Variants in PRUNE2 observed in about 807,000 individuals in gnomAD.
PRUNE2 encodes prune homolog 2 with BCH domain.
Under a neutral mutation model 252.0 loss-of-function variants are expected in PRUNE2, and 164 were observed. The ratio of observed to expected loss-of-function variants is 0.65; its 90% CI spans 0.57 to 0.74. The LOEUF is 0.74. PRUNE2 is among the 30% of genes least tolerant of loss of function. The probability of loss-of-function intolerance (pLI) is 0.00; values close to 1 mark genes in which losing one functional copy is unlikely to be tolerated. For synonymous variants in PRUNE2, 1,292 were observed against 1,350.2 expected, an observed-to-expected ratio of 0.96 and a Z score of 0.94; for missense variants, 3,495 against 3,711.0, an observed-to-expected ratio of 0.94 and a Z score of 1.51.
intron 6 of PRUNE2, among the ~76,000 whole-genome samples, chr9:76,758,003 G>A (rs946008850): frequency 2.6e-5 from 4 of 152,078 alleles, no homozygotes; most frequent in African/African-American, 4.8e-5. Flanking sequence ...TACTGATTTA[G>A]TTCTGTGAAT....
chr9:76,708,439 G>A lies in PRUNE2; in HGVS notation c.3835C>T (p.Leu1279Phe). ...AASGTSESEA[L>F]ISHLDKQDTE... ...TCCTGCTTGTCAAGATGAGATATAA[G>A]TGCCTCTGATTCACTGGTTCCAGAG... is the stretch of plus-strand genomic sequence containing the variant. Residue 1279 changes from leucine (L) to phenylalanine (F), a missense_variant, in exon 8 of 19, where the codon CTT becomes TTT. Physicochemically the swap from Leu to Phe is conservative, Grantham distance 22. Coordinates refer to ENST00000376718, the MANE Select transcript of PRUNE2 (RefSeq NM_015225.3). 6.2e-7 allele frequency: 1 copy of A among 1,613,858 alleles called. No homozygotes were observed. Among genetic ancestry groups the A allele is most frequent in the Non-Finnish European group, 8.5e-7 (1 of 1,179,892 alleles).
rs2059980105 is a variant in PRUNE2, at chr9:76,851,871, T to C, written c.142-1206A>G. ...TAAACTTGTTTTTGTACGGGAATGT[T>C]AAAAATAAAGGTGCTTTAAAAATTA... On this transcript the variant is annotated intron_variant, in intron 2 of 18. Coordinates refer to ENST00000376718, the MANE Select transcript of PRUNE2 (RefSeq NM_015225.3). Among the ~76,000 whole-genome samples the C allele has an allele frequency of 1.3e-5, 2 of 152,180 alleles. 1 individual carries two copies. Among genetic ancestry groups the C allele is most frequent in the South Asian group, 4.1e-4 (2 of 4,828 alleles).
chr9:76,789,426 G>A (rs1029519582), intron 6 of PRUNE2, among the ~76,000 whole-genome samples: 2 of 152,152 alleles, frequency 1.3e-5, no homozygotes, highest in African/African-American at 2.4e-5. Context: ...CTCATCCAGT[G>A]GTCTTCTCAC....
In PRUNE2 at chr9:76,707,812, T is replaced by G. The variant is rs2046417437; in HGVS notation, c.4462A>C (p.Ser1488Arg). Residue 1488 changes from serine (S) to arginine (R), a missense_variant, in exon 8 of 19, where the codon AGT (serine) becomes CGT (arginine). Transcript: ENST00000376718. ...GGGPPHRVPR[S>R]LDFGDVPIDS... ...ATAGGGACGTCCCCAAAATCAAGAC[T>G]TCGGGGAACTCTGTGAGGTGGCCCT... The G allele has an allele frequency of 6.2e-7, 1 of 1,613,448 alleles. No homozygotes were observed. Among genetic ancestry groups the G allele is most frequent in the African/African-American group, 1.3e-5 (1 of 75,030 alleles).
chr9:76,702,404 C>T (rs768364901), intron 9 of PRUNE2, among the ~76,000 whole-genome samples: 7 of 152,116 alleles, frequency 4.6e-5, no homozygotes, highest in Admixed American at 2.0e-4. Context: ...TGACTTTCCC[C>T]GTTACTTAAG....
intron 8 of PRUNE2, 69 bp from the exon 9 acceptor site, chr9:76,704,168 C>CA: frequency 8.8e-6 from 9 of 1,021,488 alleles, no homozygotes; most frequent in Non-Finnish European, 1.2e-5. Context: ...GATTTGTGAT[C>CA]CTTGCAAATG....
In PRUNE2 at chr9:76,613,672, C is replaced by T. The variant is rs1201123285; in HGVS notation, c.*898G>A. 6.6e-6 allele frequency: 1 copy of T among 152,078 alleles called. No homozygotes were observed. Among genetic ancestry groups the T allele is most frequent in the East Asian group, 1.9e-4 (1 of 5,194 alleles). The allele number at this position is 152,078 out of a possible 1,614,324, so 9.4% of individuals were successfully genotyped here. ...AGTAATACTCATATTTAATTTTAAG[C>T]CTATGATCAGATTACGGTGTTTTAA... On this transcript the variant is annotated 3_prime_UTR_variant, in exon 19 of 19. Coordinates refer to ENST00000376718, the MANE Select transcript of PRUNE2 (RefSeq NM_015225.3).
intron 4 of PRUNE2, among the ~76,000 whole-genome samples, chr9:76,837,043 A>T (rs1271374111): frequency 6.6e-6 from 1 of 152,234 alleles, no homozygotes; most frequent in Non-Finnish European, 1.5e-5. Flanking sequence ...ATATGATTGA[A>T]TTTAAATATG....
chr9:76,750,729 GAGA>G (rs1433413612), intron 6 of PRUNE2, among the ~76,000 whole-genome samples: 2 of 152,228 alleles, frequency 1.3e-5, no homozygotes, highest in African/African-American at 4.8e-5. Context: ...TGGGAGCAGA[GAGA>G]AGGTGACATG....
intron 4 of PRUNE2, among the ~76,000 whole-genome samples, chr9:76,837,442 A>AAT (rs1554798670): frequency 0.097 from 316 of 3,250 alleles, 7 homozygotes; most frequent in East Asian, 0.27. Flanking sequence ...CTCTGTCTCA[A>AAT]ATAATAATAA....
rs150573246 is a variant in PRUNE2 at position 76,839,015 on chromosome 9, G to T, written c.508+7500C>A. Among the ~76,000 whole-genome samples, 842 of 152,024 alleles carry T rather than the reference G, an allele frequency of 5.5e-3. 7 individuals carry two copies. Among genetic ancestry groups the T allele is most frequent in the African/African-American group, 0.019 (782 of 41,492 alleles). The stretch of plus-strand genomic sequence containing the variant: ...TATAACCAAATGGTGAAAATAAAAA[G>T]AAATGCTTGCAAAACACTAGGATTT... On this transcript the variant is annotated intron_variant, in intron 4 of 18. Transcript: ENST00000376718.
At position 76,826,724 on chromosome 9, in the gene PRUNE2, G is replaced by T; in HGVS notation, c.517C>A (p.Leu173Ile). 6.2e-7 allele frequency: 1 copy of T among 1,605,184 alleles called. No individual in the cohort carries two copies. The highest frequency in any genetic ancestry group is 8.5e-7 in the Non-Finnish European group (1 of 1,174,718). ...QLAHRLRGSI[L>I]FKWMTMESEK... is the part of the protein sequence containing the mutation. ...GATTCCATGGTCATCCACTTGAAAA[G>T]AATGCTACCTGAAAGGTATGAATAA... The change falls in exon 5 of 19, where the codon CTT becomes ATT. Residue 173 changes from leucine to isoleucine, a missense_variant. By Grantham distance (5) the Leu-to-Ile change is conservative. Transcript: ENST00000376718.
At chr9:76,642,017 A>G (rs1564422296) in intron 12 of PRUNE2, 5 of 1,275,038 alleles carry the variant, frequency 3.9e-6, no homozygotes, top group Non-Finnish European at 5.4e-6. Context: ...AAAAAAAAAA[A>G]GAAAAGAAAA....
rs182498231 is a variant in PRUNE2 at position 76,636,417 on chromosome 9, A to C, written c.9050+54T>G. On this transcript the variant is annotated intron_variant, in intron 15 of 18. Transcript: ENST00000376718. ...TTCTTGTTTTTAGGACAATGAGTAC[A>C]TATTTTTTAAAACTACTAGTAGTAC... is the stretch of plus-strand genomic sequence containing the variant. The C allele has an allele frequency of 3.4e-3, 3,083 of 916,860 alleles. 19 individuals carry two copies. The highest frequency in any genetic ancestry group is 3.3e-3 in the Admixed American group (146 of 44,210). 56.8% of individuals were successfully genotyped at this position (916,860 alleles called of 1,614,324 possible).
At chr9:76,624,417 A>G in intron 17 of PRUNE2, 35 bp downstream of exon 17, 1 of 1,376,134 alleles carries the variant, frequency 7.3e-7, no homozygotes, top group Non-Finnish European at 9.5e-7. Context: ...GCAAGCCAAC[A>G]TCATGCCAGC....
Position 76,612,350 on chromosome 9 carries a change from G to A in PRUNE2, c.*2220C>T, listed in dbSNP as rs1461177250. ...TGCTGTGTCTGTTTGGCTATAACAAGAGCCCTCTATGAACAGCTCTATGCC... is the reference window on the plus strand; with the variant it reads ...TGCTGTGTCTGTTTGGCTATAACAAAAGCCCTCTATGAACAGCTCTATGCC... On this transcript the variant is annotated 3_prime_UTR_variant, in exon 19 of 19. Transcript: ENST00000376718. 6.6e-6 allele frequency: 1 copy of A among 152,116 alleles called. No homozygotes were observed. The allele number at this position is 152,116 out of a possible 1,614,324, so 9.4% of individuals were successfully genotyped here. A position where few individuals can be genotyped will look rare whatever the true frequency, so the allele number is the denominator to read the frequency against.
At chr9:76,626,650 T>C (rs1166315062) in intron 16 of PRUNE2, among the ~76,000 whole-genome samples, 1 of 152,220 alleles carries the variant, frequency 6.6e-6, no homozygotes, top group African/African-American at 2.4e-5. Context: ...ATGTCCTAGG[T>C]ATACTTAACT....
chr9:76,626,627 A>C (rs1212515899), intron 16 of PRUNE2, among the ~76,000 whole-genome samples: 1 of 152,228 alleles, frequency 6.6e-6, no homozygotes, highest in Non-Finnish European at 1.5e-5. Context: ...TGATGTGTGC[A>C]GTTGAATGAA....
rs1261940529 is a variant in PRUNE2, at chr9:76,710,485, A to G, written c.1789T>C (p.Ser597Pro). The stretch of plus-strand genomic sequence containing the variant: ...CCAGTATTTTTTAGCCTTTCTGGGG[A>G]AGGGGATTCATCTCCCACAAAATCT... ...LTDFVGDESP[S>P]PERLKNTGKR... The change falls in exon 8 of 19, where the codon TCC (serine) becomes CCC (proline). Residue 597 changes from serine to proline, a missense_variant. Physicochemically the swap from Ser to Pro is moderately conservative, Grantham distance 74. Transcript: ENST00000376718. 1.2e-5 allele frequency: 20 copies of G among 1,613,808 alleles called. No individual in the cohort carries two copies. The highest frequency in any genetic ancestry group is 1.7e-5 in the Non-Finnish European group (20 of 1,179,888).
Sources: gnomAD v4.1 joint callset for allele counts (sites outside exome capture counted in the v4.1 genomes callset) on GRCh38, gnomAD v4.1.1 for gene constraint, MANE v1.5 for transcripts, NCBI Gene and HGNC (gene_info 2026-07-23, HGNC 2026-07-21) for gene names.